P2RX7: variants seen among roughly 807,000 people sequenced by gnomAD.
The protein encoded by P2RX7 is purinergic receptor P2X 7.
Under a neutral mutation model 71.6 loss-of-function variants are expected in P2RX7, and 62 were observed. That is an observed-to-expected ratio of 0.87 (90% CI 0.71 to 1.07). P2RX7 has a LOEUF of 1.07. Ranked by LOEUF, P2RX7 falls within the 50% of genes least tolerant of loss-of-function variation. The pLI is 0.00. For synonymous variants in P2RX7, 299 were observed against 283.3 expected, an observed-to-expected ratio of 1.06 and a Z score of -0.56; for missense variants, 686 against 748.5, an observed-to-expected ratio of 0.92 and a Z score of 0.97.
At chr12:121,171,323 A>G (rs1407426936) in intron 8 of P2RX7, among the ~76,000 whole-genome samples, 2 of 144,160 alleles carry the variant, frequency 1.4e-5, no homozygotes, top group African/African-American at 5.2e-5. Context: ...CCATCCTCAC[A>G]TGGCCTTCTC....
intron 1 of P2RX7, among the ~76,000 whole-genome samples, chr12:121,142,498 T>A (rs891090225): frequency 6.6e-6 from 1 of 152,140 alleles, no homozygotes; most frequent in Non-Finnish European, 1.5e-5. Context: ...AAGGGGCTCA[T>A]GTGATTGGGT....
At chr12:121,133,430 C>T (rs2135960183) in intron 1 of P2RX7, among the ~76,000 whole-genome samples, 1 of 152,370 alleles carries the variant, frequency 6.6e-6, no homozygotes, top group East Asian at 1.9e-4. Flanking sequence ...CAGGGCACGC[C>T]TGGTGATCAT....
In P2RX7 at chr12:121,187,706, A is replaced by AAAGAAATG. The variant is rs1418498863; in HGVS notation, c.*2904_*2905insAAGAAATG. ...AATATGTCAGACACGTCCTACAATAACAGGCGTCATATTTGTATTATTTTT... is the reference window on the plus strand; with the variant it reads ...AATATGTCAGACACGTCCTACAATAAAAGAAATGCAGGCGTCATATTTGTATTATTTTT... On this transcript the variant is annotated 3_prime_UTR_variant, in exon 13 of 13. Transcript: ENST00000328963. The AAAGAAATG allele has an allele frequency of 9.2e-5, 14 of 152,216 alleles. No individual in the cohort carries two copies. The highest frequency in any genetic ancestry group is 1.6e-4 in the Non-Finnish European group (11 of 68,042). 9.4% of individuals were successfully genotyped at this position (152,216 alleles called of 1,614,324 possible).
intron 1 of P2RX7, among the ~76,000 whole-genome samples, chr12:121,143,150 T>C (rs922513517): frequency 7.1e-6 from 1 of 140,022 alleles, no homozygotes; most frequent in African/African-American, 2.7e-5. Context: ...GAGGCCCAGG[T>C]GGGCAGATCA....
At chr12:121,148,504 C>G (rs1028748912) in intron 1 of P2RX7, among the ~76,000 whole-genome samples, 1 of 152,122 alleles carries the variant, frequency 6.6e-6, no homozygotes, top group Admixed American at 6.5e-5. Context: ...CGTGAGTCAC[C>G]GCACCCAGCT....
At chr12:121,136,003 CAAAAA>C (rs1191508376) in intron 1 of P2RX7, among the ~76,000 whole-genome samples, 1 of 12,832 alleles carries the variant, frequency 7.8e-5, no homozygotes, top group African/African-American at 1.5e-4. Flanking sequence ...GACTCTGTCT[CAAAAA>C]AAAAAAAAAA....
At chr12:121,151,954 G>A (rs1239801359) in intron 1 of P2RX7, among the ~76,000 whole-genome samples, 2 of 152,054 alleles carry the variant, frequency 1.3e-5, no homozygotes, top group African/African-American at 4.8e-5. Context: ...GGGAGGCTGA[G>A]GCAGGAGAAT....
intron 4 of P2RX7, 76 bp downstream of exon 4, chr12:121,161,050 C>A: frequency 1.8e-6 from 2 of 1,082,684 alleles, no homozygotes; most frequent in South Asian, 1.2e-5. Flanking sequence ...ATGCCCAGGT[C>A]AGGTCTTCAG....
intron 3 of P2RX7, 35 bp downstream of exon 3, chr12:121,156,182 T>C: frequency 6.4e-7 from 1 of 1,559,576 alleles, no homozygotes; most frequent in Non-Finnish European, 8.8e-7. Context: ...GGTCAGGTCT[T>C]AAGAGTTCCT....
At chr12:121,153,667 G>A (rs918356685) in intron 1 of P2RX7, among the ~76,000 whole-genome samples, 1 of 150,570 alleles carries the variant, frequency 6.6e-6, no homozygotes, top group African/African-American at 2.5e-5. Flanking sequence ...TACAGAGCAA[G>A]ACTCCATCTC....
At chr12:121,145,697 G>A (rs1346717853) in intron 1 of P2RX7, among the ~76,000 whole-genome samples, 3 of 151,868 alleles carry the variant, frequency 2.0e-5, no homozygotes, top group Admixed American at 6.6e-5. Flanking sequence ...TAGTAGAGAC[G>A]GGGTTTCACC....
At chr12:121,171,862 CTT>C (rs779128209) in intron 8 of P2RX7, among the ~76,000 whole-genome samples, 18 of 131,100 alleles carry the variant, frequency 1.4e-4, no homozygotes, top group Non-Finnish European at 9.7e-5. Flanking sequence ...TTCTTTCTTT[CTT>C]TTTTTTTTTT....
intron 3 of P2RX7, among the ~76,000 whole-genome samples, chr12:121,156,415 T>C (rs1408034431): frequency 1.3e-5 from 2 of 152,258 alleles, no homozygotes; most frequent in Admixed American, 6.5e-5. Flanking sequence ...AACCCTGCTC[T>C]TTCTATCTCT....
rs1261780533 is a variant in P2RX7, at chr12:121,187,409, G to A, written c.*2607G>A. On this transcript the variant is annotated 3_prime_UTR_variant, in exon 13 of 13. Transcript: ENST00000328963. ...TACCTTTTCAAAGATATTTTAAAAA[G>A]TGGATTACTACATATGATTTCTTTG... 1 of 152,220 alleles carries A rather than the reference G, an allele frequency of 6.6e-6. No homozygotes were observed. The highest frequency in any genetic ancestry group is 2.1e-4 in the South Asian group (1 of 4,834). 9.4% of individuals were successfully genotyped at this position (152,220 alleles called of 1,614,324 possible).
intron 1 of P2RX7, among the ~76,000 whole-genome samples, chr12:121,152,373 G>T (rs1565947511): frequency 6.6e-6 from 1 of 152,196 alleles, no homozygotes; most frequent in Non-Finnish European, 1.5e-5. Flanking sequence ...CTGTTGCCCA[G>T]GCTGGAGTAC....
chr12:121,171,858 C>G (rs1045408569), intron 8 of P2RX7, among the ~76,000 whole-genome samples: 11 of 138,516 alleles, frequency 7.9e-5, no homozygotes, highest in Admixed American at 4.2e-4. Context: ...GTGATTCTTT[C>G]TTTCTTTTTT....
At chr12:121,150,840 C>T (rs752946470) in intron 1 of P2RX7, among the ~76,000 whole-genome samples, 6 of 152,048 alleles carry the variant, frequency 3.9e-5, no homozygotes, top group South Asian at 4.2e-4. Flanking sequence ...ACCTGGGAGG[C>T]GGAGGTTGCA....
intron 5 of P2RX7, among the ~76,000 whole-genome samples, chr12:121,164,042 C>T (rs1038593943): frequency 1.3e-5 from 2 of 152,080 alleles, no homozygotes; most frequent in Non-Finnish European, 2.9e-5. Flanking sequence ...GAAGGAATCA[C>T]CCAGCTCTGG....
At position 121,167,552 on chromosome 12, in the gene P2RX7, G is replaced by A. The variant is rs7958311; in HGVS notation, c.809G>A (p.Arg270His). 399,750 of 1,612,774 alleles carry A rather than the reference G, an allele frequency of 0.25. 51,345 individuals are homozygous for A. Among genetic ancestry groups the A allele is most frequent in the East Asian group, 0.39 (17,628 of 44,740 alleles). The change falls in exon 8 of 13, where the codon CGT becomes CAT. Residue 270 changes from arginine (R) to histidine (H), a missense_variant. Physicochemically the swap from Arg to His is conservative, Grantham distance 29 (BLOSUM62 0). Transcript: ENST00000328963. ...CNLDRWFHHC[R>H]PKYSFRRLDD... is the part of the protein sequence containing the mutation. ...CTAGACCGTTGGTTCCATCACTGCC[G>A]TCCCAAATACAGTTTCCGTCGCCTT...
Sources: gnomAD v4.1 joint callset for allele counts (sites outside exome capture counted in the v4.1 genomes callset) on GRCh38, gnomAD v4.1.1 for gene constraint, MANE v1.5 for transcripts, NCBI Gene and HGNC (gene_info 2026-07-23, HGNC 2026-07-21) for gene names.